The following ZNF763 variants were observed in gnomAD, a reference collection of about 807,000 sequenced individuals.
ZNF763 encodes DNA-binding protein.
In ZNF763, 33 loss-of-function variants were observed where a neutral mutation model predicts 38.0. That is an observed-to-expected ratio of 0.87 (90% CI 0.66 to 1.16). ZNF763 has a LOEUF of 1.16. Among genes scored for constraint, ZNF763 ranks in the 50% most tolerant of loss-of-function variants. ZNF763 has a pLI of 0.00. For synonymous variants in ZNF763, 155 were observed against 160.1 expected, an observed-to-expected ratio of 0.97 and a Z score of 0.24; for missense variants, 423 against 469.1, an observed-to-expected ratio of 0.90 and a Z score of 0.91.
chr19:11,976,130 G>C (rs453805), intron 1 of ZNF763, among the ~76,000 whole-genome samples: 8,043 of 148,372 alleles, frequency 0.054, 710 homozygotes, highest in African/African-American at 0.18. Flanking sequence ...CTCTTGGGTA[G>C]CTATCTGCCT....
At chr19:11,965,245 G>C (rs7250805) in intron 1 of ZNF763, 34 bp downstream of exon 1, 103,711 of 1,613,488 alleles carry the variant, frequency 0.064, 6,003 homozygotes, top group African/African-American at 0.32. Flanking sequence ...CCGAGACGGG[G>C]TAGAGGCTGC....
In ZNF763 at chr19:11,978,244, A is replaced by G; in HGVS notation, c.320A>G (p.Asp107Gly). The change falls in exon 4 of 4, where the codon GAT becomes GGT. Residue 107 changes from aspartate to glycine, a missense_variant. By Grantham distance (94) the Asp-to-Gly change is moderately conservative. Transcript: ENST00000358987. ...GCTTCTCCTGAAGCAAAATCATGTG[A>G]TAACTTTGTATGTGGAGAAGTTGGC... Reference protein sequence around the residue: ...KKASPEAKSCDNFVCGEVGIG... With the variant: ...KKASPEAKSCGNFVCGEVGIG... 3.1e-6 allele frequency: 5 copies of G among 1,614,114 alleles called. No individual in the cohort carries two copies. The highest frequency in any genetic ancestry group is 4.2e-6 in the Non-Finnish European group (5 of 1,179,976).
rs2145346031 is a variant in ZNF763 at position 11,978,148 on chromosome 19, A to T, written c.224A>T (p.Lys75Ile). Reference protein sequence around the residue: ...SLIEGNVNEIKEDSHCGETFT... With the variant: ...SLIEGNVNEIIEDSHCGETFT... ...ATAGAAGGGAATGTCAATGAAATTAAAGAAGACAGTCATTGTGGAGAAACT... is the reference window on the plus strand; with the variant it reads ...ATAGAAGGGAATGTCAATGAAATTATAGAAGACAGTCATTGTGGAGAAACT... The change falls in exon 4 of 4, where the codon AAA becomes ATA. Residue 75 changes from lysine (K) to isoleucine (I), a missense_variant. Transcript: ENST00000358987. 1 of 1,613,532 alleles carries T rather than the reference A, an allele frequency of 6.2e-7. No individual in the cohort carries two copies.
chr19:11,974,974 T>C (rs997825967), intron 1 of ZNF763, among the ~76,000 whole-genome samples: 5 of 152,206 alleles, frequency 3.3e-5, no homozygotes, highest in African/African-American at 1.2e-4. Context: ...GAATTTTACA[T>C]GTACAGTTGA....
intron 1 of ZNF763, among the ~76,000 whole-genome samples, chr19:11,973,904 C>G (rs1423768282): frequency 6.6e-6 from 1 of 152,080 alleles, no homozygotes; most frequent in Non-Finnish European, 1.5e-5. Flanking sequence ...CAGAGCTCCA[C>G]AGACTGTCTT....
rs1165283135 is a variant in ZNF763 at position 11,980,250 on chromosome 19, C to T, written c.*1141C>T. ...ACAAAAATTGGCCAGGCGTGGTGGC[C>T]TGCTTCTGTAATCCTAGCTAGTTGG... On this transcript the variant is annotated 3_prime_UTR_variant, in exon 4 of 4. Transcript: ENST00000358987. 2.9e-6 allele frequency: 1 copy of T among 345,716 alleles called. No individual in the cohort carries two copies. The highest frequency in any genetic ancestry group is 7.8e-5 in the East Asian group (1 of 12,748). The allele number at this position is 345,716 out of a possible 1,614,324, so 21.4% of individuals were successfully genotyped here. A position where few individuals can be genotyped will look rare whatever the true frequency, so the allele number is the denominator to read the frequency against.
chr19:11,976,045 C>T (rs1206843916), intron 1 of ZNF763, among the ~76,000 whole-genome samples: 1 of 146,854 alleles, frequency 6.8e-6, no homozygotes, highest in African/African-American at 2.5e-5. Context: ...GTCTCCCCTC[C>T]TCTCTGCTTC....
rs200170833 is a variant in ZNF763 at position 11,977,051 on chromosome 19, G to C, written c.17G>C (p.Cys6Ser). The change falls in exon 2 of 4, where the codon TGT becomes TCT. Residue 6 changes from cysteine to serine, a missense_variant. Transcript: ENST00000358987. ...GAGATGTTTCAGGACCCTGTGGCCTGTGAGGATGTTGCTGTGAACTTCACC... is the reference window on the plus strand; with the variant it reads ...GAGATGTTTCAGGACCCTGTGGCCTCTGAGGATGTTGCTGTGAACTTCACC... Reference protein sequence around the residue: MDPVACEDVAVNFTQE... With the variant: MDPVASEDVAVNFTQE... 6.2e-7 allele frequency: 1 copy of C among 1,614,080 alleles called. No homozygotes were observed. The highest frequency in any genetic ancestry group is 1.3e-5 in the African/African-American group (1 of 74,936).
chr19:11,972,483 A>G (rs757261670), intron 1 of ZNF763, among the ~76,000 whole-genome samples: 4 of 152,188 alleles, frequency 2.6e-5, no homozygotes, highest in Non-Finnish European at 4.4e-5. Flanking sequence ...GAATTGCACA[A>G]TGAATCCAAA....
At position 11,976,586 on chromosome 19, in the gene ZNF763, G is replaced by T. The variant is rs1318566534; in HGVS notation, c.4-452G>T. Among the ~76,000 whole-genome samples the T allele has an allele frequency of 2.0e-5, 3 of 148,026 alleles. No homozygotes were observed. In the East Asian group the frequency reaches 5.9e-4, roughly 29 times the overall value. Reference sequence around the variant, plus strand: ...AAAAAAAAAAAAAAAAAAATTGCTGGCCAGGTGTGGTGGCTCATGCCTGTA... The same window carrying T: ...AAAAAAAAAAAAAAAAAAATTGCTGTCCAGGTGTGGTGGCTCATGCCTGTA... On this transcript the variant is annotated intron_variant, in intron 1 of 3. Coordinates refer to ENST00000358987, the MANE Select transcript of ZNF763 (RefSeq NM_001367172.2).
At chr19:11,972,022 A>C (rs1042914568) in intron 1 of ZNF763, among the ~76,000 whole-genome samples, 28 of 152,036 alleles carry the variant, frequency 1.8e-4, no homozygotes, top group Non-Finnish European at 2.5e-4. Context: ...AGATGGTGTC[A>C]TTGCACTCCA....
chr19:11,980,163 T>A lies in ZNF763; in HGVS notation c.*1054T>A. The stretch of plus-strand genomic sequence containing the variant: ...TAGAAACCAAAGCAGGTGAATCACC[T>A]GAGGTCAGGAGTTCAAGACTGGCCT... On this transcript the variant is annotated 3_prime_UTR_variant, in exon 4 of 4. Coordinates refer to ENST00000358987, the MANE Select transcript of ZNF763 (RefSeq NM_001367172.2). 2 of 653,398 alleles carry A rather than the reference T, an allele frequency of 3.1e-6. No homozygotes were observed. Among genetic ancestry groups the A allele is most frequent in the South Asian group, 1.7e-5 (1 of 59,530 alleles). The allele number at this position is 653,398 out of a possible 1,614,324, so 40.5% of individuals were successfully genotyped here.
chr19:11,976,032 G>A lies in ZNF763; in HGVS notation c.4-1006G>A, dbSNP rs1308269481. Among the ~76,000 whole-genome samples the A allele has an allele frequency of 2.0e-5, 3 of 147,682 alleles. No individual in the cohort carries two copies. The East Asian group carries it at 6.1e-4, about 30-fold the overall frequency. ...CATAATGGATGTTTCTTTCTACTTA[G>A]GTGTCTCCCCTCCTCTCTGCTTCTA... is the stretch of plus-strand genomic sequence containing the variant. On this transcript the variant is annotated intron_variant, in intron 1 of 3. Transcript: ENST00000358987.
intron 1 of ZNF763, among the ~76,000 whole-genome samples, chr19:11,974,121 CTTT>C (rs1973421907): frequency 2.7e-5 from 2 of 74,908 alleles, no homozygotes; most frequent in African/African-American, 1.1e-4. Context: ...TTCTTTCTTT[CTTT>C]CTTTTCTTTC....
intron 3 of ZNF763, 77 bp downstream of exon 3, chr19:11,977,508 A>G (rs1188101956): frequency 1.3e-6 from 2 of 1,525,486 alleles, no homozygotes; most frequent in Non-Finnish European, 1.8e-6. Context: ...GAAGTAAAAC[A>G]AAGAACTAAG....
intron 1 of ZNF763, among the ~76,000 whole-genome samples, chr19:11,973,836 T>C (rs1568308049): frequency 6.6e-6 from 1 of 152,056 alleles, no homozygotes; most frequent in Non-Finnish European, 1.5e-5. Flanking sequence ...GTTCAGTTCA[T>C]TTAGGTTAAT....
intron 1 of ZNF763, among the ~76,000 whole-genome samples, chr19:11,971,772 A>G (rs1973355763): frequency 6.6e-6 from 1 of 152,186 alleles, no homozygotes. Context: ...TAGTTTTAAT[A>G]GAAATTTGTG....
In ZNF763 at chr19:11,965,227, C is replaced by G; in HGVS notation, c.3+16C>G. 6.2e-7 allele frequency: 1 copy of G among 1,614,020 alleles called. No individual in the cohort carries two copies. The highest frequency in any genetic ancestry group is 1.1e-5 in the South Asian group (1 of 91,082). On this transcript the variant is annotated intron_variant, in intron 1 of 3. Coordinates refer to ENST00000358987, the MANE Select transcript of ZNF763 (RefSeq NM_001367172.2). The stretch of plus-strand genomic sequence containing the variant: ...CCAGGAAATGGTGCGTGTGCATAGC[C>G]GGTTGTCCCGAGACGGGGTAGAGGC...
Position 11,977,148 on chromosome 19 carries a change from G to A in ZNF763, c.114G>A (p.Arg38=), listed in dbSNP as rs1291520250. The A allele has an allele frequency of 6.2e-7, 1 of 1,614,140 alleles. No homozygotes were observed. The highest frequency in any genetic ancestry group is 8.5e-7 in the Non-Finnish European group (1 of 1,180,016). ...LYREVMLETF[R]NLTSIGKKWK... ...GGGAAGTGATGCTGGAAACTTTCAG[G>A]AACCTGACCTCTATAGGTAAGGATG... Residue 38 remains arginine, a synonymous_variant, in exon 2 of 4, where the codon AGG becomes AGA. Transcript: ENST00000358987.
Sources: allele counts gnomAD v4.1 joint callset (sites outside exome capture counted in the v4.1 genomes callset), GRCh38; gene constraint gnomAD v4.1.1; transcripts MANE v1.5; gene names NCBI Gene and HGNC (gene_info 2026-07-23, HGNC 2026-07-21).